GPHN: variants seen among roughly 807,000 people sequenced by gnomAD.
The protein encoded by GPHN is gephyrin.
GPHN carries 17 observed loss-of-function variants against 95.5 expected under a neutral mutation model. The ratio of observed to expected loss-of-function variants is 0.18; its 90% CI spans 0.12 to 0.27. GPHN has a LOEUF of 0.27. Ranked by LOEUF, GPHN falls within the 10% of genes least tolerant of loss-of-function variation. The pLI, the probability that GPHN is intolerant of heterozygous loss-of-function variation, is 1.00. For missense variants in GPHN, 660 were observed against 978.1 expected, an observed-to-expected ratio of 0.67 and a Z score of 4.34; for synonymous variants, 320 against 322.5, an observed-to-expected ratio of 0.99 and a Z score of 0.08.
chr14:67,326,259 T>TTTTTTTTTTG, the GPHN span, among the ~76,000 whole-genome samples: 1 of 122,984 alleles, frequency 8.1e-6, no homozygotes, highest in Non-Finnish European at 1.6e-5. Flanking sequence ...TTTTTTTTTT[T>TTTTTTTTTTG]GAGAGGAGAT....
chr14:67,638,884 T>C, the GPHN span, among the ~76,000 whole-genome samples: 1 of 152,244 alleles, frequency 6.6e-6, no homozygotes, highest in African/African-American at 2.4e-5. Context: ...CAGTGTCCAC[T>C]GTCTAGAAGC....
the GPHN span, chr14:67,555,870 G>A: frequency 6.2e-7 from 1 of 1,613,680 alleles, no homozygotes; most frequent in Non-Finnish European, 8.5e-7. Flanking sequence ...GCAGAGAGCA[G>A]AGAACGCTGA....
intron 1 of GPHN, among the ~76,000 whole-genome samples, chr14:66,573,450 CTTTT>C (rs369274048): frequency 7.3e-6 from 1 of 137,462 alleles, no homozygotes; most frequent in African/African-American, 2.7e-5. Context: ...ATATAATAAC[CTTTT>C]TTTTTTTTTT....
chr14:66,912,407 C>T (rs2065715758), intron 5 of GPHN, among the ~76,000 whole-genome samples: 1 of 151,988 alleles, frequency 6.6e-6, no homozygotes, highest in Non-Finnish European at 1.5e-5. Context: ...TCCTATTGTT[C>T]CCAAAGGATT....
At chr14:66,890,944 G>C (rs951897792) in intron 5 of GPHN, among the ~76,000 whole-genome samples, 1 of 151,970 alleles carries the variant, frequency 6.6e-6, no homozygotes, top group Non-Finnish European at 1.5e-5. Flanking sequence ...TGTGAAAAAG[G>C]CCTTATGTAA....
At chr14:67,166,862 G>C (rs2082309245) in intron 20 of GPHN, among the ~76,000 whole-genome samples, 1 of 152,076 alleles carries the variant, frequency 6.6e-6, no homozygotes, top group South Asian at 2.1e-4. Flanking sequence ...TAGAGACGGG[G>C]TTTCACCATG....
At chr14:67,238,877 A>G in the GPHN span, among the ~76,000 whole-genome samples, 2 of 152,150 alleles carry the variant, frequency 1.3e-5, no homozygotes, top group Non-Finnish European at 1.5e-5. Context: ...TCCTGGGGTC[A>G]AGGGATCCAT....
intron 3 of GPHN, among the ~76,000 whole-genome samples, chr14:66,795,851 T>C (rs572016345): frequency 6.6e-6 from 1 of 152,274 alleles, no homozygotes; most frequent in Non-Finnish European, 1.5e-5. Flanking sequence ...AATTATACTC[T>C]TTTAGTTATT....
At chr14:66,907,970 A>C (rs188691552) in intron 5 of GPHN, among the ~76,000 whole-genome samples, 1 of 152,198 alleles carries the variant, frequency 6.6e-6, no homozygotes, top group African/African-American at 2.4e-5. Context: ...GTATGAACTC[A>C]TATCTAGCTT....
chr14:66,551,542 G>A (rs901232414), intron 1 of GPHN, among the ~76,000 whole-genome samples: 3 of 152,120 alleles, frequency 2.0e-5, no homozygotes, highest in Non-Finnish European at 4.4e-5. Flanking sequence ...TATTCACATT[G>A]TGTTCTCCAT....
intron 1 of GPHN, among the ~76,000 whole-genome samples, chr14:66,612,994 G>T (rs893440080): frequency 2.0e-5 from 3 of 152,010 alleles, no homozygotes; most frequent in African/African-American, 7.2e-5. Context: ...TATGAGTAAA[G>T]CTGCTGTGAA....
chr14:66,885,193 A>C (rs547940431), intron 5 of GPHN, among the ~76,000 whole-genome samples: 19 of 152,178 alleles, frequency 1.2e-4, no homozygotes, highest in African/African-American at 4.6e-4. Flanking sequence ...CCCACACCAA[A>C]TATACTTAGC....
At chr14:66,735,479 A>G (rs1194517855) in intron 2 of GPHN, among the ~76,000 whole-genome samples, 2 of 152,208 alleles carry the variant, frequency 1.3e-5, no homozygotes, top group African/African-American at 2.4e-5. Flanking sequence ...TGTAGTTACT[A>G]TTAATAATTA....
In GPHN at chr14:66,961,945, T is replaced by C. The variant is rs1309113124; in HGVS notation, c.829-3246T>C. ...ATATATATATATATATATATATATA[T>C]ATACACATATCTCCCAGAAATTTAC... On this transcript the variant is annotated intron_variant, in intron 8 of 22. Coordinates refer to ENST00000478722, the MANE Select transcript of GPHN (RefSeq NM_020806.5). Among the ~76,000 whole-genome samples the C allele has an allele frequency of 5.6e-3, 441 of 79,022 alleles. 2 individuals are homozygous for C. The highest frequency in any genetic ancestry group is 0.013 in the Admixed American group (85 of 6,336). The allele number at this position is 79,022 out of a possible 152,430, so 51.8% of individuals were successfully genotyped here.
intron 9 of GPHN, among the ~76,000 whole-genome samples, chr14:66,977,895 G>A (rs1354876606): frequency 6.6e-6 from 1 of 152,114 alleles, no homozygotes; most frequent in Non-Finnish European, 1.5e-5. Context: ...GCCAACTAGA[G>A]TTATTTATAC....
At chr14:66,664,157 C>G (rs2065813668) in intron 1 of GPHN, among the ~76,000 whole-genome samples, 1 of 152,146 alleles carries the variant, frequency 6.6e-6, no homozygotes, top group African/African-American at 2.4e-5. Context: ...ACTCTCCACT[C>G]AAAAACAACA....
At chr14:67,494,966 A>T in the GPHN span, among the ~76,000 whole-genome samples, 6 of 152,244 alleles carry the variant, frequency 3.9e-5, no homozygotes, top group African/African-American at 1.4e-4. Context: ...TTTAAAATTA[A>T]ATAAAGCAAA....
At chr14:67,399,608 TCA>T in the GPHN span, among the ~76,000 whole-genome samples, 1 of 147,290 alleles carries the variant, frequency 6.8e-6, no homozygotes, top group African/African-American at 2.6e-5. Context: ...TAGGTGGTTC[TCA>T]GGTGGCAGGA....
chr14:67,735,204 TC>T, the GPHN span: 1 of 1,447,468 alleles, frequency 6.9e-7, no homozygotes, highest in Non-Finnish European at 9.7e-7. Flanking sequence ...GATTCCAGAC[TC>T]CATCATTTCT....
Sources: gnomAD v4.1 joint callset for allele counts (sites outside exome capture counted in the v4.1 genomes callset) on GRCh38, gnomAD v4.1.1 for gene constraint, MANE v1.5 for transcripts, NCBI Gene and HGNC (gene_info 2026-07-23, HGNC 2026-07-21) for gene names.